Variants in MTHFD1L observed in about 807,000 individuals in gnomAD.
The protein encoded by MTHFD1L is monofunctional C1-tetrahydrofolate synthase, mitochondrial.
MTHFD1L carries 81 observed loss-of-function variants against 119.5 expected under a neutral mutation model. That is an observed-to-expected ratio of 0.68 (90% CI 0.57 to 0.82). The LOEUF is 0.82. MTHFD1L is among the 40% of genes least tolerant of loss of function. MTHFD1L has a pLI of 0.00. For synonymous variants in MTHFD1L, 430 were observed against 475.2 expected, an observed-to-expected ratio of 0.90 and a Z score of 1.24; for missense variants, 1,125 against 1,253.4, an observed-to-expected ratio of 0.90 and a Z score of 1.55.
At chr6:150,992,588 G>A (rs1248074265) in intron 20 of MTHFD1L, among the ~76,000 whole-genome samples, 1 of 152,204 alleles carries the variant, frequency 6.6e-6, no homozygotes. Context: ...CTGTAATTTA[G>A]GAGAGAGGTT....
chr6:150,950,227 C>T (rs1364360629), intron 16 of MTHFD1L, among the ~76,000 whole-genome samples: 2 of 152,180 alleles, frequency 1.3e-5, no homozygotes, highest in Non-Finnish European at 2.9e-5. Context: ...CCCGCAGTGG[C>T]TTCCCTCACT....
At position 150,871,891 on chromosome 6, in the gene MTHFD1L, A is replaced by ATTTTTTTTTTATTTTTTTTT; in HGVS notation, c.228-4193_228-4192insTTTTATTTTTTTTTTTTTTT. 3.6e-4 allele frequency among the ~76,000 whole-genome samples: 53 copies of ATTTTTTTTTTATTTTTTTTT among 147,166 alleles called. 1 individual carries two copies. Among genetic ancestry groups the ATTTTTTTTTTATTTTTTTTT allele is most frequent in the African/African-American group, 1.2e-3 (48 of 39,556 alleles). ...TTTTAATTTAATTTTATTTTATTTT[A>ATTTTTTTTTTATTTTTTTTT]TTTTTTGAGACAGTCTCACTCTTTC... On this transcript the variant is annotated intron_variant, in intron 1 of 27. Coordinates refer to ENST00000367321, the MANE Select transcript of MTHFD1L (RefSeq NM_015440.5).
At position 150,865,890 on chromosome 6, in the gene MTHFD1L, G is replaced by T; in HGVS notation, c.68G>T (p.Arg23Leu). Residue 23 changes from arginine (R) to leucine (L), a missense_variant, in exon 1 of 28, where the codon CGC becomes CTC. Arg to Leu is a moderately radical substitution (Grantham distance 102). This residue lies in a region of MTHFD1L where 1,058 missense variants were observed against 1,151.2 expected (regional missense o/e 0.92). Transcript: ENST00000367321. Reference sequence around the variant, plus strand: ...CCGCCCCAGCCCCCGGGCCCTCCGCGCCGCCTCCGTGTGCCCTGTCGCGCT... The same window carrying T: ...CCGCCCCAGCCCCCGGGCCCTCCGCTCCGCCTCCGTGTGCCCTGTCGCGCT... ...RRPPQPPGPP[R>L]RLRVPCRASS... The T allele has an allele frequency of 8.3e-7, 1 of 1,201,850 alleles. No homozygotes were observed. The highest frequency in any genetic ancestry group is 1.0e-6 in the Non-Finnish European group (1 of 971,274). The allele number at this position is 1,201,850 out of a possible 1,614,324, so 74.4% of individuals were successfully genotyped here.
Position 150,872,264 on chromosome 6 carries a change from G to A in MTHFD1L, c.228-3826G>A, listed in dbSNP as rs918190672. Among the ~76,000 whole-genome samples, 82 of 151,844 alleles carry A rather than the reference G, an allele frequency of 5.4e-4. 1 individual carries two copies. Among genetic ancestry groups the A allele is most frequent in the African/African-American group, 1.9e-3 (77 of 41,516 alleles). On this transcript the variant is annotated intron_variant, in intron 1 of 27. Coordinates refer to ENST00000367321, the MANE Select transcript of MTHFD1L (RefSeq NM_015440.5). ...AGCTTTTCCTTTGCATTCACAGCTT[G>A]GCTAACTGTTTGGCTCAAGAGGCCT... is the stretch of plus-strand genomic sequence containing the variant.
chr6:151,023,619 G>A (rs1385813381), intron 24 of MTHFD1L, among the ~76,000 whole-genome samples: 1 of 152,028 alleles, frequency 6.6e-6, no homozygotes, highest in Non-Finnish European at 1.5e-5. Flanking sequence ...TTCTTTCCTC[G>A]ATGGTTGAAA....
At chr6:150,877,545 C>A in intron 2 of MTHFD1L, 89 bp from the exon 3 acceptor site, 1 of 1,378,428 alleles carries the variant, frequency 7.3e-7, no homozygotes, top group Non-Finnish European at 1.0e-6. Context: ...GTAATTAGAT[C>A]ATCTGTAATC....
At chr6:151,031,966 T>C (rs1785392576) in intron 24 of MTHFD1L, among the ~76,000 whole-genome samples, 1 of 152,246 alleles carries the variant, frequency 6.6e-6, no homozygotes, top group East Asian at 1.9e-4. Flanking sequence ...TATACTATCC[T>C]GCACATGCTG....
chr6:150,987,200 C>T lies in MTHFD1L; in HGVS notation c.2125+15142C>T, dbSNP rs575186335. On this transcript the variant is annotated intron_variant, in intron 20 of 27. Transcript: ENST00000367321. ...TTTAATTAGGCTTCTACGAGTCATT[C>T]GGGTAGTTGCATCTAGCAGGCTATT... Among the ~76,000 whole-genome samples, 10 of 152,236 alleles carry T rather than the reference C, an allele frequency of 6.6e-5. No homozygotes were observed. In the East Asian group the frequency reaches 1.7e-3, roughly 27 times the overall value.
intron 7 of MTHFD1L, among the ~76,000 whole-genome samples, chr6:150,891,000 T>G (rs1243608909): frequency 6.6e-6 from 1 of 152,236 alleles, no homozygotes; most frequent in Non-Finnish European, 1.5e-5. Flanking sequence ...TTGTTTGTTT[T>G]TTTGAGACGA....
intron 26 of MTHFD1L, among the ~76,000 whole-genome samples, chr6:151,071,206 G>A (rs1791910097): frequency 6.8e-6 from 1 of 146,936 alleles, no homozygotes; most frequent in South Asian, 2.3e-4. Flanking sequence ...TACAATGGTT[G>A]TGTTGGGTGA....
intron 7 of MTHFD1L, among the ~76,000 whole-genome samples, chr6:150,890,823 A>G (rs946437663): frequency 5.3e-5 from 8 of 152,238 alleles, no homozygotes; most frequent in Admixed American, 3.3e-4. Flanking sequence ...GCACTGCAAC[A>G]AGTATTTAAA....
intron 12 of MTHFD1L, among the ~76,000 whole-genome samples, chr6:150,938,322 T>A (rs551844982): frequency 6.6e-6 from 1 of 152,316 alleles, no homozygotes; most frequent in South Asian, 2.1e-4. Flanking sequence ...CCAGCCACAG[T>A]GTATTTTTTT....
intron 20 of MTHFD1L, among the ~76,000 whole-genome samples, chr6:151,002,757 T>C (rs1264724585): frequency 6.6e-6 from 1 of 152,232 alleles, no homozygotes. Flanking sequence ...ACAATCTTTC[T>C]GCCTAGCATG....
intron 21 of MTHFD1L, 94 bp downstream of exon 21, chr6:151,010,052 A>G (rs754678771): frequency 2.0e-5 from 28 of 1,390,950 alleles, no homozygotes; most frequent in Admixed American, 3.2e-5. Context: ...TTTAATGACT[A>G]TAGTTTTCTA....
intron 10 of MTHFD1L, among the ~76,000 whole-genome samples, chr6:150,923,537 A>ATTTATTTATTTATTTT (rs1254981530): frequency 6.3e-5 from 6 of 95,194 alleles, no homozygotes; most frequent in East Asian, 5.3e-4. Context: ...TTATTTATTT[A>ATTTATTTATTTATTTT]TTTTTTCTTT....
intron 11 of MTHFD1L, chr6:150,935,444 G>A (rs2128933649): frequency 6.2e-7 from 1 of 1,613,212 alleles, no homozygotes; most frequent in Non-Finnish European, 8.5e-7. Flanking sequence ...GAGCTCATCA[G>A]CTCCTTGGCA....
At chr6:151,036,904 T>C in intron 25 of MTHFD1L, 61 bp from the exon 26 acceptor site, 2 of 1,590,548 alleles carry the variant, frequency 1.3e-6, no homozygotes, top group South Asian at 1.1e-5. Context: ...AAAGTGCAAA[T>C]TGAAAAGCAC....
At chr6:151,013,163 T>G (rs912628029) in intron 21 of MTHFD1L, among the ~76,000 whole-genome samples, 1 of 152,176 alleles carries the variant, frequency 6.6e-6, no homozygotes, top group African/African-American at 2.4e-5. Context: ...GAGGACTGCT[T>G]GAGCCCAAGA....
In MTHFD1L at chr6:151,037,021, A is replaced by G. The variant is rs759407979; in HGVS notation, c.2751A>G (p.Gln917=). The change falls in exon 26 of 28, where the codon CAA becomes CAG. Residue 917 remains glutamine (Q), a synonymous_variant. Transcript: ENST00000367321. ...AGACCCACCTTTCTCTATCTCACCA[A>G]CCTGACAAAAAAGGTGTGCCAAGGG... The part of the protein sequence containing the change: ...MAKTHLSLSH[Q]PDKKGVPRDF... The G allele has an allele frequency of 6.2e-7, 1 of 1,611,854 alleles. No homozygotes were observed. The highest frequency in any genetic ancestry group is 8.5e-7 in the Non-Finnish European group (1 of 1,179,814).
Sources: allele counts gnomAD v4.1 joint callset (sites outside exome capture counted in the v4.1 genomes callset), GRCh38; gene constraint gnomAD v4.1.1; regional missense constraint gnomAD v4.1.1; transcripts MANE v1.5; gene names NCBI Gene and HGNC (gene_info 2026-07-23, HGNC 2026-07-21).